EML3: variants seen among roughly 807,000 people sequenced by gnomAD.
The protein encoded by EML3 is echinoderm microtubule-associated protein-like 3.
A neutral mutation model predicts 106.7 loss-of-function variants in EML3; 53 were observed. The ratio of observed to expected loss-of-function variants is 0.50; its 90% CI spans 0.40 to 0.62. EML3 has a LOEUF of 0.62. Ranked by LOEUF, EML3 falls within the 20% of genes least tolerant of loss-of-function variation. EML3 has a pLI of 0.00. For missense variants in EML3, 994 were observed against 1,209.1 expected (o/e 0.82, Z 2.64); for synonymous variants, 499 against 489.6 (o/e 1.02, Z -0.25).
Position 62,607,011 on chromosome 11 carries a change from G to C in EML3, c.1451C>G (p.Thr484Ser). 1 of 1,614,172 alleles carries C rather than the reference G, an allele frequency of 6.2e-7. No individual in the cohort carries two copies. Among genetic ancestry groups the C allele is most frequent in the East Asian group, 2.2e-5 (1 of 44,886 alleles). ...GGAATCTGAAGGGCTCCGCCCCCAGGTGAGAATGTTCCCCTCTGAGTCTCC... is the reference window on the plus strand; with the variant it reads ...GGAATCTGAAGGGCTCCGCCCCCAGCTGAGAATGTTCCCCTCTGAGTCTCC... The part of the protein sequence containing the change: ...LTGDSEGNIL[T>S]WGRSPSDSKT... Residue 484 changes from threonine (T) to serine (S), a missense_variant, in exon 12 of 22, where the codon ACC becomes AGC. Physicochemically the swap from Thr to Ser is moderately conservative, Grantham distance 58. Around this residue, in one of 3 missense-constraint regions of EML3, gnomAD observed 713 missense variants for 920.5 expected, o/e 0.77. Transcript: ENST00000394773.
rs1230951007 is a variant in EML3, at chr11:62,605,647, G to A, written c.1909C>T (p.Leu637Phe). ...ESHALAWSID[L>F]KETGLCADFH... Reference sequence around the variant, plus strand: ...CCAGGGGCACAGGGCTCTACCTTGAGGTCGATGCTCCAGGCCAGTGCATGG... The same window carrying A: ...CCAGGGGCACAGGGCTCTACCTTGAAGTCGATGCTCCAGGCCAGTGCATGG... The change falls in exon 15 of 22, where the codon CTC becomes TTC. Residue 637 changes from leucine (L) to phenylalanine (F), a missense_variant. Physicochemically the swap from Leu to Phe is conservative, Grantham distance 22 (BLOSUM62 0). Around this residue, in one of 3 missense-constraint regions of EML3, gnomAD observed 713 missense variants for 920.5 expected, o/e 0.77. Transcript: ENST00000394773. The surrounding 1 kb of genome is among the most constrained non-coding windows in gnomAD (Gnocchi z 5.2). 6.5e-7 allele frequency: 1 copy of A among 1,541,454 alleles called. No homozygotes were observed. Among genetic ancestry groups the A allele is most frequent in the African/African-American group, 1.4e-5 (1 of 72,876 alleles).
In EML3 at chr11:62,610,945, C is replaced by T. The variant is rs768136249; in HGVS notation, c.500G>A (p.Arg167Gln). 13 of 1,613,678 alleles carry T rather than the reference C, an allele frequency of 8.1e-6. No individual in the cohort carries two copies. The highest frequency in any genetic ancestry group is 1.1e-5 in the Non-Finnish European group (13 of 1,179,906). Reference sequence around the variant, plus strand: ...GATTGCCTTCCTGGAGAGCTTCTGCCGAGGCCGCTCTGAGGGGGATGAGGA... The same window carrying T: ...GATTGCCTTCCTGGAGAGCTTCTGCTGAGGCCGCTCTGAGGGGGATGAGGA... The part of the protein sequence containing the change: ...SSSSSPSERP[R>Q]QKLSRKAISS... The change falls in exon 4 of 22, where the codon CGG (arginine) becomes CAG (glutamine). Residue 167 changes from arginine to glutamine, a missense_variant. Physicochemically the swap from Arg to Gln is conservative, Grantham distance 43. Coordinates refer to ENST00000394773, the MANE Select transcript of EML3 (RefSeq NM_153265.3).
At chr11:62,608,515 G>A in intron 9 of EML3, 27 bp downstream of exon 9, 1 of 1,601,422 alleles carries the variant, frequency 6.2e-7, no homozygotes, top group Non-Finnish European at 8.6e-7. Context: ...CAAGAATGGG[G>A]GTCTAGAGGC....
At position 62,610,894 on chromosome 11, in the gene EML3, G is replaced by C. The variant is rs1230835409; in HGVS notation, c.551C>G (p.Ser184Cys). 6.2e-7 allele frequency: 1 copy of C among 1,611,422 alleles called. No homozygotes were observed. The highest frequency in any genetic ancestry group is 2.2e-5 in the East Asian group (1 of 44,892). ...AISSANLLVRSGSTESRGGKD... is the reference protein window; with the variant it reads ...AISSANLLVRCGSTESRGGKD... ...CCTCACCCACCTCTCTGTGCTCCCG[G>C]ACCGCACTAACAGGTTGGCGGAGGA... The change falls in exon 4 of 22, where the codon TCC becomes TGC. Residue 184 changes from serine to cysteine, a missense_variant. Around this residue, in one of 3 missense-constraint regions of EML3, gnomAD observed 269 missense variants for 265.1 expected, o/e 1.01. Transcript: ENST00000394773.
rs1184606125 is a variant in EML3 at position 62,602,354 on chromosome 11, C to G, written c.*121G>C. On this transcript the variant is annotated 3_prime_UTR_variant, in exon 22 of 22. Coordinates refer to ENST00000394773, the MANE Select transcript of EML3 (RefSeq NM_153265.3). ...CGCGCCCTCCAGGAAAATGCGCGAT[C>G]GGGAATGTCTCGAAGTCAGTCCAGG... The G allele has an allele frequency of 1.4e-6, 2 of 1,390,764 alleles. No individual in the cohort carries two copies. The highest frequency in any genetic ancestry group is 3.9e-4 in the Middle Eastern group (2 of 5,148). The allele number at this position is 1,390,764 out of a possible 1,614,324, so 86.2% of individuals were successfully genotyped here.
At chr11:62,603,700 T>C in intron 19 of EML3, 29 bp downstream of exon 19, 1 of 1,599,032 alleles carries the variant, frequency 6.3e-7, no homozygotes, top group Non-Finnish European at 8.6e-7. Flanking sequence ...AATTACCCTC[T>C]CCCCATGTCC....
chr11:62,602,916 A>C, intron 20 of EML3, 27 bp from the exon 21 acceptor site: 1 of 1,513,434 alleles, frequency 6.6e-7, no homozygotes, highest in Non-Finnish European at 8.8e-7. Context: ...CCTCAGCCCG[A>C]CCTCCTACCC....
rs575047153 is a variant in EML3, at chr11:62,606,144, G to A, written c.1575C>T (p.Asp525=). ...GSIFALCLRR[D]GTVLSGGGRD... ...GCCCGCCACCACTCAGCACTGTCCC[G>A]TCCCTCCGGAGACACAAGGCGAAGA... Residue 525 remains aspartate (D), a synonymous_variant, in exon 13 of 22, where the codon GAC becomes GAT. Transcript: ENST00000394773. 8 of 1,614,060 alleles carry A rather than the reference G, an allele frequency of 5.0e-6. No individual in the cohort carries two copies. The highest frequency in any genetic ancestry group is 2.2e-5 in the South Asian group (2 of 91,082).
rs1590767198 is a variant in EML3, at chr11:62,612,708, T to A, written c.-251A>T. The A allele has an allele frequency of 4.2e-6, 1 of 239,990 alleles. No homozygotes were observed. 14.9% of individuals were successfully genotyped at this position (239,990 alleles called of 1,614,324 possible). A position where few individuals can be genotyped will look rare whatever the true frequency, so the allele number is the denominator to read the frequency against. On this transcript the variant is annotated 5_prime_UTR_variant, in exon 1 of 22. Transcript: ENST00000394773. ...CCGCTCTCGGCTCCCGGGGGTGGGG[T>A]GGCAGGGCCGTCCGGTGCCACAGCG...
intron 4 of EML3, 81 bp from the exon 5 acceptor site, chr11:62,609,777 G>T: frequency 7.8e-7 from 1 of 1,278,400 alleles, no homozygotes; most frequent in Non-Finnish European, 1.1e-6. Context: ...AAGAAAAGAG[G>T]TCACTGCAGA....
In EML3 at chr11:62,611,338, T is replaced by C. The variant is rs138222759; in HGVS notation, c.201A>G (p.Ala67=). ...ACGTGGGTGGCAGTCCTGGGGGGGC[T>C]GCAAGACTGCTGGAGAGATGTTGAA... ...GTPAPPGDSL[A]APPGLPPTCT... is the part of the protein sequence containing the mutation. The change falls in exon 3 of 22, where the codon GCA becomes GCG. Residue 67 remains alanine (A), a synonymous_variant. Coordinates refer to ENST00000394773, the MANE Select transcript of EML3 (RefSeq NM_153265.3). 2.1e-3 allele frequency: 3,405 copies of C among 1,612,902 alleles called. 7 individuals are homozygous for C. Among genetic ancestry groups the C allele is most frequent in the Non-Finnish European group, 2.7e-3 (3,184 of 1,179,790 alleles).
chr11:62,611,511 G>A lies in EML3; in HGVS notation c.108C>T (p.Ala36=), dbSNP rs1380047613. ...QEQEMELVKA[A]LAEALRLLRL... ...GCAGCAGGCGAAGGGCTTCTGCCAG[G>A]GCTGCCTTTACCAGTTCCATCTCCT... The change falls in exon 2 of 22, where the codon GCC becomes GCT. Residue 36 remains alanine, a synonymous_variant. Coordinates refer to ENST00000394773, the MANE Select transcript of EML3 (RefSeq NM_153265.3). The A allele has an allele frequency of 6.2e-7, 1 of 1,613,804 alleles. No individual in the cohort carries two copies. Among genetic ancestry groups the A allele is most frequent in the Non-Finnish European group, 8.5e-7 (1 of 1,179,964 alleles).
intron 19 of EML3, among the ~76,000 whole-genome samples, 164 bp downstream of exon 19, chr11:62,603,565 G>A (rs1407524529): frequency 6.6e-6 from 1 of 152,186 alleles, no homozygotes; most frequent in East Asian, 1.9e-4. Flanking sequence ...AAGACATGGT[G>A]TGAAACTAGT....
rs530375874 is a variant in EML3 at position 62,602,337 on chromosome 11, C to G, written c.*138G>C. 1 of 1,551,170 alleles carries G rather than the reference C, an allele frequency of 6.4e-7. No homozygotes were observed. Among genetic ancestry groups the G allele is most frequent in the East Asian group, 2.4e-5 (1 of 40,902 alleles). The stretch of plus-strand genomic sequence containing the variant: ...TGTGCAGGGGCGCCGTTCGCGCCCT[C>G]CAGGAAAATGCGCGATCGGGAATGT... On this transcript the variant is annotated 3_prime_UTR_variant, in exon 22 of 22. Coordinates refer to ENST00000394773, the MANE Select transcript of EML3 (RefSeq NM_153265.3).
chr11:62,607,660 C>T lies in EML3; in HGVS notation c.1362+6G>A. The T allele has an allele frequency of 1.2e-6, 2 of 1,611,176 alleles. No individual in the cohort carries two copies. The highest frequency in any genetic ancestry group is 1.7e-6 in the Non-Finnish European group (2 of 1,178,756). On this transcript the variant is annotated splice_donor_region_variant and intron_variant, in intron 11 of 21. Coordinates refer to ENST00000394773, the MANE Select transcript of EML3 (RefSeq NM_153265.3). ...CCCCATCACCTTCCACTTATCCATG[C>T]CTCACCCCAAAGACACCCTGTTTCC... is the stretch of plus-strand genomic sequence containing the variant.
chr11:62,608,121 T>G, intron 10 of EML3, 80 bp downstream of exon 10: 1 of 1,342,488 alleles, frequency 7.4e-7, no homozygotes, highest in Middle Eastern at 2.2e-4. Context: ...AGGAAATGTA[T>G]GGGTGAGTCT....
Position 62,602,371 on chromosome 11 carries a change from C to T in EML3, c.*104G>A. On this transcript the variant is annotated 3_prime_UTR_variant, in exon 22 of 22. Transcript: ENST00000394773. ...TGCGCGATCGGGAATGTCTCGAAGT[C>T]AGTCCAGGAAAGAGTCGGCCCCTAG... The T allele has an allele frequency of 6.4e-7, 1 of 1,551,032 alleles. No homozygotes were observed. Among genetic ancestry groups the T allele is most frequent in the Admixed American group, 2.0e-5 (1 of 50,992 alleles).
chr11:62,605,171 G>T lies in EML3; in HGVS notation c.1924C>A (p.Leu642Ile). 1.2e-6 allele frequency: 2 copies of T among 1,612,804 alleles called. No homozygotes were observed. Among genetic ancestry groups the T allele is most frequent in the South Asian group, 2.2e-5 (2 of 90,968 alleles). The change falls in exon 16 of 22, where the codon CTC becomes ATC. Residue 642 changes from leucine (L) to isoleucine (I), a missense_variant. Around this residue, in one of 3 missense-constraint regions of EML3, gnomAD observed 713 missense variants for 920.5 expected, o/e 0.77. Coordinates refer to ENST00000394773, the MANE Select transcript of EML3 (RefSeq NM_153265.3). The surrounding 1 kb of genome is among the most constrained non-coding windows in gnomAD (Gnocchi z 5.2). ...CCACTCGGGTGGAAGTCAGCACAGAGACCAGTCTCCTGGGAGAGGGGAGAA... is the reference window on the plus strand; with the variant it reads ...CCACTCGGGTGGAAGTCAGCACAGATACCAGTCTCCTGGGAGAGGGGAGAA... ...AWSIDLKETG[L>I]CADFHPSGAV... is the part of the protein sequence containing the mutation.
chr11:62,602,375 C>G lies in EML3; in HGVS notation c.*100G>C. The G allele has an allele frequency of 6.4e-7, 1 of 1,550,658 alleles. No individual in the cohort carries two copies. The highest frequency in any genetic ancestry group is 1.4e-5 in the African/African-American group (1 of 73,172). ...CGATCGGGAATGTCTCGAAGTCAGT[C>G]CAGGAAAGAGTCGGCCCCTAGTCGT... is the stretch of plus-strand genomic sequence containing the variant. On this transcript the variant is annotated 3_prime_UTR_variant, in exon 22 of 22. Coordinates refer to ENST00000394773, the MANE Select transcript of EML3 (RefSeq NM_153265.3).
Sources: gnomAD v4.1 joint callset for allele counts (sites outside exome capture counted in the v4.1 genomes callset) on GRCh38, gnomAD v4.1.1 for gene constraint, gnomAD v4.1.1 regional missense constraint, Gnocchi (gnomAD v3.1) non-coding constraint, MANE v1.5 for transcripts, NCBI Gene and HGNC (gene_info 2026-07-23, HGNC 2026-07-21) for gene names.